PGBD2: variants seen among roughly 807,000 people sequenced by gnomAD.
PGBD2 encodes piggyBac transposable element-derived protein 2.
Under a neutral mutation model 8.1 loss-of-function variants are expected in PGBD2, and 6 were observed. The observed-to-expected ratio is 0.74, with a 90% CI of 0.40 to 1.46. The LOEUF (loss-of-function observed/expected upper bound fraction) is 1.46. Ranked by LOEUF, PGBD2 falls within the 40% of genes most tolerant of loss-of-function variation. The probability of loss-of-function intolerance (pLI) is 0.02; values close to 1 mark genes in which losing one functional copy is unlikely to be tolerated. For missense variants in PGBD2, 802 were observed against 739.0 expected (o/e 1.09, Z -0.99); for synonymous variants, 318 against 272.2 (o/e 1.17, Z -1.66).
chr1:248,886,579 G>T, the PGBD2 span, among the ~76,000 whole-genome samples: 2 of 152,162 alleles, frequency 1.3e-5, no homozygotes, highest in African/African-American at 4.8e-5. Flanking sequence ...TGGGGAATCT[G>T]ATTTTCATGT....
downstream of PGBD2, chr1:248,919,611 T>C (rs1477822152): frequency 6.0e-6 from 1 of 167,000 alleles, no homozygotes; most frequent in Non-Finnish European, 1.5e-5. Flanking sequence ...TACTTAGGAA[T>C]GGGATTCCTG....
At chr1:248,885,242 C>G in the PGBD2 span, among the ~76,000 whole-genome samples, 2 of 151,784 alleles carry the variant, frequency 1.3e-5, no homozygotes, top group African/African-American at 4.8e-5. Flanking sequence ...TGAAGTGATT[C>G]TCTCACTTCA....
intron 1 of PGBD2, among the ~76,000 whole-genome samples, chr1:248,911,270 T>C (rs562509172): frequency 0.014 from 2,052 of 147,402 alleles, 34 homozygotes; most frequent in Non-Finnish European, 0.021. Flanking sequence ...TGCAGCCTTC[T>C]GCAGTGTTTG....
intron 2 of PGBD2, among the ~76,000 whole-genome samples, chr1:248,915,499 G>A (rs894762812): frequency 4.6e-5 from 7 of 152,206 alleles, no homozygotes; most frequent in East Asian, 1.9e-4. Flanking sequence ...TTCTGAGCAC[G>A]ATTAAGGTAG....
chr1:248,875,308 C>CAAAAAAAAAAAAAA, the PGBD2 span, among the ~76,000 whole-genome samples: 471 of 109,386 alleles, frequency 4.3e-3, 1 homozygote, highest in East Asian at 7.8e-3. Flanking sequence ...AAAAACAAAA[C>CAAAAAAAAAAAAAA]AAAAAAAAAA....
chr1:248,874,258 T>C, the PGBD2 span, among the ~76,000 whole-genome samples: 19 of 152,326 alleles, frequency 1.2e-4, no homozygotes, highest in East Asian at 9.7e-4. Context: ...TCCCTGGTGG[T>C]CTAGTGGTTA....
At chr1:248,883,572 TC>T in the PGBD2 span, among the ~76,000 whole-genome samples, 1 of 147,052 alleles carries the variant, frequency 6.8e-6, no homozygotes, top group African/African-American at 2.5e-5. Context: ...GCTGATAGTT[TC>T]TTTTTTTTTT....
At chr1:248,928,847 T>C in the PGBD2 span, among the ~76,000 whole-genome samples, 3 of 152,206 alleles carry the variant, frequency 2.0e-5, no homozygotes, top group Non-Finnish European at 4.4e-5. Context: ...GAAATCCTCA[T>C]GTTTTCTTCT....
At chr1:248,902,139 C>G (rs560560703), upstream of PGBD2, among the ~76,000 whole-genome samples, 44 of 152,040 alleles carry the variant, frequency 2.9e-4, no homozygotes, top group Non-Finnish European at 2.6e-4. Context: ...CATGGTGGCA[C>G]ACACCTGTAG....
upstream of PGBD2, among the ~76,000 whole-genome samples, chr1:248,904,037 TAA>T (rs1210832142): frequency 7.2e-5 from 11 of 151,796 alleles, no homozygotes; most frequent in Non-Finnish European, 1.2e-4. Flanking sequence ...AATAAATATA[TAA>T]GTTTAATTCC....
chr1:248,920,299 G>A (rs1017705591), downstream of PGBD2, among the ~76,000 whole-genome samples: 1 of 148,992 alleles, frequency 6.7e-6, no homozygotes, highest in Admixed American at 6.7e-5. Flanking sequence ...CCCTCCCCTA[G>A]CCCCCCACCC....
intron 2 of PGBD2, chr1:248,914,640 G>T (rs1662026352): frequency 1.6e-6 from 2 of 1,264,636 alleles, no homozygotes. Flanking sequence ...GTTGGGGCCT[G>T]CAAAGGGGCA....
At chr1:248,876,225 C>A in the PGBD2 span, among the ~76,000 whole-genome samples, 1 of 152,116 alleles carries the variant, frequency 6.6e-6, no homozygotes, top group Non-Finnish European at 1.5e-5. Flanking sequence ...CCAGGCTGTT[C>A]TCGAACTCCC....
chr1:248,901,279 G>C (rs1661527560), upstream of PGBD2, among the ~76,000 whole-genome samples: 1 of 151,958 alleles, frequency 6.6e-6, no homozygotes, highest in Non-Finnish European at 1.5e-5. Flanking sequence ...AGTCCTAATA[G>C]CCAAGACAAT....
At chr1:248,890,902 G>T in the PGBD2 span, among the ~76,000 whole-genome samples, 1,072 of 147,716 alleles carry the variant, frequency 7.3e-3, 14 homozygotes, top group African/African-American at 0.026. Context: ...ATGCATCACA[G>T]ATACACACAT....
chr1:248,906,323 C>A lies in PGBD2; in HGVS notation c.-67C>A. On this transcript the variant is annotated 5_prime_UTR_variant, in exon 1 of 3. Coordinates refer to ENST00000329291, the MANE Select transcript of PGBD2 (RefSeq NM_170725.3). ...CATGGTCCGGTTCGGGCTCGCGAGT[C>A]TCCGTCTGGGGTAGGGCAGGTAGGC... 6.6e-6 allele frequency: 1 copy of A among 152,090 alleles called. No homozygotes were observed. The highest frequency in any genetic ancestry group is 2.4e-5 in the African/African-American group (1 of 41,488). The allele number at this position is 152,090 out of a possible 1,614,324, so 9.4% of individuals were successfully genotyped here.
At chr1:248,874,324 G>A in the PGBD2 span, among the ~76,000 whole-genome samples, 1 of 152,172 alleles carries the variant, frequency 6.6e-6, no homozygotes, top group African/African-American at 2.4e-5. Context: ...AGGAAAGTAA[G>A]CCGTTTTAAA....
At chr1:248,891,335 G>C in the PGBD2 span, among the ~76,000 whole-genome samples, 1 of 152,096 alleles carries the variant, frequency 6.6e-6, no homozygotes, top group African/African-American at 2.4e-5. Context: ...AACTCGGTGG[G>C]TGAGGACAGT....
At chr1:248,894,570 T>G in the PGBD2 span, among the ~76,000 whole-genome samples, 1 of 152,202 alleles carries the variant, frequency 6.6e-6, no homozygotes, top group Non-Finnish European at 1.5e-5. Flanking sequence ...CAGCTGACAA[T>G]GTATGCATGG....
Sources: gnomAD v4.1 joint callset for allele counts (sites outside exome capture counted in the v4.1 genomes callset) on GRCh38, gnomAD v4.1.1 for gene constraint, MANE v1.5 for transcripts, NCBI Gene and HGNC (gene_info 2026-07-23, HGNC 2026-07-21) for gene names.